The following SPICE1 variants were observed in gnomAD, a reference collection of about 807,000 sequenced individuals.
SPICE1 encodes spindle and centriole associated protein 1, also known as spindle and centriole-associated protein 1.
SPICE1 carries 75 observed loss-of-function variants against 102.7 expected under a neutral mutation model. That is an observed-to-expected ratio of 0.73 (90% CI 0.61 to 0.88). The LOEUF is 0.88. Ranked by LOEUF, SPICE1 falls within the 40% of genes least tolerant of loss-of-function variation. The probability of loss-of-function intolerance (pLI) is 0.00; values close to 1 mark genes in which losing one functional copy is unlikely to be tolerated. For missense variants in SPICE1, 979 were observed against 1,020.1 expected (o/e 0.96, Z 0.55); for synonymous variants, 308 against 350.3 (o/e 0.88, Z 1.35).
rs750357102 is a variant in SPICE1 at position 113,468,813 on chromosome 3, C to T, written c.838G>A (p.Val280Ile). The change falls in exon 9 of 18, where the codon GTT (valine) becomes ATT (isoleucine). Residue 280 changes from valine to isoleucine, a missense_variant. Val to Ile is a conservative substitution (Grantham distance 29, BLOSUM62 3). Coordinates refer to ENST00000295872, the MANE Select transcript of SPICE1 (RefSeq NM_144718.4). ...ESTETLDSSY[V>I]VGHVLNSRKQ... is the part of the protein sequence containing the mutation. ...CTTGAGTTCAGCACGTGTCCCACAA[C>T]GTAGCTTGAGTCTAGAGTCTCAGTA... 9 of 1,614,008 alleles carry T rather than the reference C, an allele frequency of 5.6e-6. No homozygotes were observed. The African/African-American group carries it at 8.0e-5, about 14-fold the overall frequency.
intron 14 of SPICE1, among the ~76,000 whole-genome samples, chr3:113,452,729 C>G (rs955691625): frequency 6.6e-5 from 10 of 152,068 alleles, no homozygotes; most frequent in African/African-American, 2.4e-4. Context: ...CCTGTAATTC[C>G]AGCACTTTGG....
intron 2 of SPICE1, among the ~76,000 whole-genome samples, chr3:113,504,677 CAAGT>C (rs1937075029): frequency 6.7e-6 from 1 of 150,220 alleles, no homozygotes; most frequent in African/African-American, 2.5e-5. Flanking sequence ...CTCAGGCATA[CAAGT>C]AAGTGATAGG....
chr3:113,478,173 C>A (rs1187995073), intron 7 of SPICE1, among the ~76,000 whole-genome samples: 3 of 151,834 alleles, frequency 2.0e-5, no homozygotes, highest in Non-Finnish European at 2.9e-5. Flanking sequence ...GTACAATAAA[C>A]AGTACTATAA....
chr3:113,479,063 G>GT (rs1284035783), intron 7 of SPICE1, among the ~76,000 whole-genome samples: 5 of 151,540 alleles, frequency 3.3e-5, no homozygotes, highest in African/African-American at 7.3e-5. Flanking sequence ...CCATGCTGGT[G>GT]TGCTGCACCC....
chr3:113,482,630 C>A (rs1019951199), intron 7 of SPICE1, among the ~76,000 whole-genome samples: 1 of 152,152 alleles, frequency 6.6e-6, no homozygotes, highest in African/African-American at 2.4e-5. Context: ...CTGCATATGG[C>A]TAGCCAGTTT....
intron 9 of SPICE1, 139 bp from the exon 10 acceptor site, chr3:113,468,543 A>G (rs1936118407): frequency 8.7e-7 from 1 of 1,147,012 alleles, no homozygotes; most frequent in Admixed American, 2.6e-5. Context: ...CATAAAAATT[A>G]AACAGTTTAA....
At chr3:113,488,916 TTGTA>T in intron 7 of SPICE1, 25 bp downstream of exon 7, 1 of 1,369,046 alleles carries the variant, frequency 7.3e-7, no homozygotes, top group South Asian at 1.3e-5. Context: ...AACCTGAGAG[TTGTA>T]AATATTTATG....
intron 7 of SPICE1, among the ~76,000 whole-genome samples, chr3:113,477,162 C>A (rs1164013892): frequency 1.3e-5 from 2 of 152,078 alleles, no homozygotes; most frequent in Non-Finnish European, 2.9e-5. Flanking sequence ...GACATTTATG[C>A]AGCCAAAAAA....
intron 11 of SPICE1, among the ~76,000 whole-genome samples, chr3:113,462,405 G>T (rs1384925444): frequency 1.3e-5 from 2 of 152,196 alleles, no homozygotes; most frequent in Non-Finnish European, 2.9e-5. Flanking sequence ...GCTCAGGACA[G>T]TTCACAATTT....
At chr3:113,493,505 C>T (rs535513448) in intron 5 of SPICE1, among the ~76,000 whole-genome samples, 193 bp from the exon 6 acceptor site, 1 of 152,300 alleles carries the variant, frequency 6.6e-6, no homozygotes, top group East Asian at 1.9e-4. Flanking sequence ...TCTCATAAAA[C>T]CCTATAAGTA....
At chr3:113,490,365 G>A (rs1166016223) in intron 6 of SPICE1, among the ~76,000 whole-genome samples, 2 of 152,156 alleles carry the variant, frequency 1.3e-5, no homozygotes, top group African/African-American at 2.4e-5. Flanking sequence ...ATTCTGGCCA[G>A]ACACAGTGGC....
chr3:113,478,318 C>T (rs1023917706), intron 7 of SPICE1, among the ~76,000 whole-genome samples: 1 of 151,848 alleles, frequency 6.6e-6, no homozygotes, highest in African/African-American at 2.4e-5. Context: ...ATACTTAATA[C>T]AAAATAATTC....
intron 7 of SPICE1, among the ~76,000 whole-genome samples, chr3:113,485,023 C>G (rs1167747598): frequency 1.3e-5 from 2 of 152,160 alleles, no homozygotes; most frequent in African/African-American, 2.4e-5. Flanking sequence ...GAACCTTGCA[C>G]TCTGACCCAG....
chr3:113,508,238 G>C (rs1937150193), intron 1 of SPICE1, among the ~76,000 whole-genome samples: 1 of 152,030 alleles, frequency 6.6e-6, no homozygotes, highest in Non-Finnish European at 1.5e-5. Context: ...TCTTAGAAAT[G>C]ACACAAAAAG....
At chr3:113,508,340 A>G (rs779724443) in intron 1 of SPICE1, among the ~76,000 whole-genome samples, 2 of 152,194 alleles carry the variant, frequency 1.3e-5, no homozygotes, top group African/African-American at 4.8e-5. Context: ...GAAGACAACC[A>G]ATAGAATGGG....
At chr3:113,471,947 T>G (rs573639450) in intron 7 of SPICE1, among the ~76,000 whole-genome samples, 3 of 152,116 alleles carry the variant, frequency 2.0e-5, no homozygotes, top group African/African-American at 7.2e-5. Context: ...CGCAGGACAG[T>G]GGGTGCAGTG....
intron 7 of SPICE1, among the ~76,000 whole-genome samples, chr3:113,483,229 T>C (rs1287102092): frequency 6.6e-6 from 1 of 152,232 alleles, no homozygotes. Flanking sequence ...TGTATAAGAA[T>C]GCTTGTGATT....
chr3:113,468,343 G>A lies in SPICE1; in HGVS notation c.951C>T (p.Ser317=), dbSNP rs919329960. ...SKPKKNISSG[S]TTSADLPNRT... ...TATTTGGTAAGTCTGCAGAGGTTGT[G>A]CTACCTGATGATATGTTTTTCTTCG... The change falls in exon 10 of 18, where the codon AGC becomes AGT. Residue 317 remains serine, a synonymous_variant. Transcript: ENST00000295872. 3 of 1,614,040 alleles carry A rather than the reference G, an allele frequency of 1.9e-6. No individual in the cohort carries two copies. The highest frequency in any genetic ancestry group is 1.6e-4 in the Middle Eastern group (1 of 6,084).
intron 7 of SPICE1, among the ~76,000 whole-genome samples, chr3:113,486,732 T>A (rs1936656836): frequency 6.6e-6 from 1 of 151,706 alleles, no homozygotes; most frequent in Non-Finnish European, 1.5e-5. Flanking sequence ...TATCAAAACA[T>A]CTATGTACCT....
Sources: allele counts gnomAD v4.1 joint callset (sites outside exome capture counted in the v4.1 genomes callset), GRCh38; gene constraint gnomAD v4.1.1; transcripts MANE v1.5; gene names NCBI Gene and HGNC (gene_info 2026-07-23, HGNC 2026-07-21).